The following IGFBP3 variants were observed in gnomAD, a reference collection of about 807,000 sequenced individuals.
IGFBP3 encodes the protein insulin-like growth factor-binding protein 3.
IGFBP3 carries 9 observed loss-of-function variants against 28.6 expected under a neutral mutation model. That is an observed-to-expected ratio of 0.31 (90% CI 0.19 to 0.55). The LOEUF is 0.55. Among genes scored for constraint, IGFBP3 ranks in the 20% least tolerant of loss-of-function variants. The probability of loss-of-function intolerance (pLI) is 0.93; values close to 1 mark genes in which losing one functional copy is unlikely to be tolerated. For missense variants in IGFBP3, 382 were observed against 428.9 expected (o/e 0.89, Z 0.97); for synonymous variants, 185 against 188.2 (o/e 0.98, Z 0.14).
chr7:45,912,588 C>T lies in IGFBP3; in HGVS notation c.*1262G>A, dbSNP rs1158112778. 6.6e-6 allele frequency: 1 copy of T among 152,638 alleles called. No individual in the cohort carries two copies. The highest frequency in any genetic ancestry group is 6.5e-5 in the Admixed American group (1 of 15,284). The allele number at this position is 152,638 out of a possible 1,614,324, so 9.5% of individuals were successfully genotyped here. On this transcript the variant is annotated 3_prime_UTR_variant, in exon 5 of 5. Coordinates refer to ENST00000613132, the MANE Select transcript of IGFBP3 (RefSeq NM_000598.5). ...CTTTGCCAGACCTTCTTGGGTTTGGCCTCCGGGAGAGCAGCCCAGTCTCTG... is the reference window on the plus strand; with the variant it reads ...CTTTGCCAGACCTTCTTGGGTTTGGTCTCCGGGAGAGCAGCCCAGTCTCTG...
chr7:45,921,063 C>G lies in IGFBP3; in HGVS notation c.78G>C (p.Arg26=), dbSNP rs754369733. The G allele has an allele frequency of 6.9e-7, 1 of 1,451,082 alleles. No homozygotes were observed. The highest frequency in any genetic ancestry group is 1.3e-5 in the South Asian group (1 of 74,568). The allele number at this position is 1,451,082 out of a possible 1,614,324, so 89.9% of individuals were successfully genotyped here. The part of the protein sequence containing the change: ...LVLLRGPPVA[R]AGASSAGLGP... ...CCAAGCCCGCCGAGCTCGCGCCAGC[C>G]CGCGCCACCGGCGGCCCGCGGAGCA... is the stretch of plus-strand genomic sequence containing the variant. The change falls in exon 1 of 5, where the codon CGG becomes CGC. Residue 26 remains arginine, a synonymous_variant. Transcript: ENST00000613132.
intron 1 of IGFBP3, 135 bp from the exon 2 acceptor site, chr7:45,917,574 A>T (rs78043950): frequency 0.084 from 12,515 of 149,398 alleles, 1 homozygote; most frequent in East Asian, 0.27. Flanking sequence ...TTTTTTTTTT[A>T]AAATACCTCG....
chr7:45,913,230 T>C lies in IGFBP3; in HGVS notation c.*620A>G, dbSNP rs917400364. 5.9e-5 allele frequency: 9 copies of C among 152,288 alleles called. No individual in the cohort carries two copies. The East Asian group carries it at 1.7e-3, about 29-fold the overall frequency. The allele number at this position is 152,288 out of a possible 1,614,324, so 9.4% of individuals were successfully genotyped here. ...GTGCCCTAGAACATTCTTAGATACATATTTTTTAAACAAGTAGGACTCCAC... is the reference window on the plus strand; with the variant it reads ...GTGCCCTAGAACATTCTTAGATACACATTTTTTAAACAAGTAGGACTCCAC... On this transcript the variant is annotated 3_prime_UTR_variant, in exon 5 of 5. Coordinates refer to ENST00000613132, the MANE Select transcript of IGFBP3 (RefSeq NM_000598.5).
In IGFBP3 at chr7:45,919,204, T is replaced by G. The variant is rs34833729; in HGVS notation, c.403+1534A>C. Among the ~76,000 whole-genome samples, 395 of 152,314 alleles carry G rather than the reference T, an allele frequency of 2.6e-3. 3 individuals are homozygous for G. Among genetic ancestry groups the G allele is most frequent in the African/African-American group, 9.0e-3 (373 of 41,572 alleles). ...ATTTACCTTTTTTTGTCAAATAGAT[T>G]CTAGAAGTCACTTAGATCTTTTTAT... On this transcript the variant is annotated intron_variant, in intron 1 of 4. Transcript: ENST00000613132.
At position 45,912,610 on chromosome 7, in the gene IGFBP3, T is replaced by G. The variant is rs1247027480; in HGVS notation, c.*1240A>C. 6.6e-6 allele frequency: 1 copy of G among 152,624 alleles called. No individual in the cohort carries two copies. The highest frequency in any genetic ancestry group is 2.4e-5 in the African/African-American group (1 of 41,446). 9.5% of individuals were successfully genotyped at this position (152,624 alleles called of 1,614,324 possible). A position where few individuals can be genotyped will look rare whatever the true frequency, so the allele number is the denominator to read the frequency against. On this transcript the variant is annotated 3_prime_UTR_variant, in exon 5 of 5. Transcript: ENST00000613132. The stretch of plus-strand genomic sequence containing the variant: ...TGGCCTCCGGGAGAGCAGCCCAGTC[T>G]CTGGGCGTGAGCTCCTTTCCTCAGT...
intron 1 of IGFBP3, among the ~76,000 whole-genome samples, chr7:45,918,203 A>G (rs1440690036): frequency 6.6e-6 from 1 of 151,872 alleles, no homozygotes; most frequent in Non-Finnish European, 1.5e-5. Flanking sequence ...GGGTGAACAC[A>G]GCAGCACATG....
chr7:45,915,101 T>A, intron 3 of IGFBP3, 156 bp from the exon 4 acceptor site: 1 of 776,398 alleles, frequency 1.3e-6, no homozygotes, highest in Non-Finnish European at 2.0e-6. Context: ...CATGCGTGCC[T>A]AGGCCCGCTG....
rs1784674820 is a variant in IGFBP3, at chr7:45,920,752, G to A, written c.389C>T (p.Ala130Val). The A allele has an allele frequency of 1.4e-6, 2 of 1,418,590 alleles. No individual in the cohort carries two copies. Among genetic ancestry groups the A allele is most frequent in the South Asian group, 1.5e-5 (1 of 67,690 alleles). The allele number at this position is 1,418,590 out of a possible 1,614,324, so 87.9% of individuals were successfully genotyped here. ...GGGCGGCTCACCTGGAGCTGGCGGC[G>A]CTGGCAGCAGGTAGGCGCGCAGGCG... is the stretch of plus-strand genomic sequence containing the variant. ...VSRLRAYLLP[A>V]PPAPGNASES... The change falls in exon 1 of 5, where the codon GCG becomes GTG. Residue 130 changes from alanine (A) to valine (V), a missense_variant. Coordinates refer to ENST00000613132, the MANE Select transcript of IGFBP3 (RefSeq NM_000598.5).
chr7:45,915,015 G>T (rs778080893), intron 3 of IGFBP3, 70 bp from the exon 4 acceptor site: 4 of 1,565,994 alleles, frequency 2.6e-6, no homozygotes, highest in African/African-American at 2.7e-5. Flanking sequence ...TGGCCAGGGC[G>T]CATGATGGTT....
Position 45,917,311 on chromosome 7 carries a change from C to A in IGFBP3, c.532G>T (p.Gly178Trp), listed in dbSNP as rs375651552. The change falls in exon 2 of 5, where the codon GGG becomes TGG. Residue 178 changes from glycine (G) to tryptophan (W), a missense_variant. By Grantham distance (184) the Gly-to-Trp change is radical (BLOSUM62 -2). Transcript: ENST00000613132. ...TAGCGCTGGCTGTCTTTAGCATGCC[C>A]TTTCTTGATGATGATTATCTTTGAA... ...LHSKIIIIKK[G>W]HAKDSQRYKV... 1 of 1,614,090 alleles carries A rather than the reference C, an allele frequency of 6.2e-7. No homozygotes were observed. Among genetic ancestry groups the A allele is most frequent in the Non-Finnish European group, 8.5e-7 (1 of 1,180,020 alleles).
Position 45,917,404 on chromosome 7 carries a change from C to T in IGFBP3, c.439G>A (p.Gly147Ser). 6.2e-7 allele frequency: 1 copy of T among 1,613,548 alleles called. No individual in the cohort carries two copies. Among genetic ancestry groups the T allele is most frequent in the Non-Finnish European group, 8.5e-7 (1 of 1,179,788 alleles). Residue 147 changes from glycine (G) to serine (S), a missense_variant, in exon 2 of 5, where the codon GGC becomes AGC. By Grantham distance (56) the Gly-to-Ser change is moderately conservative. Coordinates refer to ENST00000613132, the MANE Select transcript of IGFBP3 (RefSeq NM_000598.5). ...ASESEEDRSA[G>S]SVESPSVSST... ...GAGACGGACGGGCTCTCCACACTGCCGGCGCTGCGGTCTTCCTCCGACTCA... is the reference window on the plus strand; with the variant it reads ...GAGACGGACGGGCTCTCCACACTGCTGGCGCTGCGGTCTTCCTCCGACTCA...
At position 45,916,582 on chromosome 7, in the gene IGFBP3, T is replaced by C. The variant is rs766173603; in HGVS notation, c.716A>G (p.Asn239Ser). The C allele has an allele frequency of 5.6e-6, 9 of 1,612,424 alleles. No homozygotes were observed. The Admixed American group carries it at 8.3e-5, about 15-fold the overall frequency. ...CTTATAAAATCCCTTCTTGTCACAG[T>C]TGGGAATGTGTACACCCCTGGGACT... ...VLSPRGVHIP[N>S]CDKKGFYKKK... Residue 239 changes from asparagine to serine, a missense_variant, in exon 3 of 5, where the codon AAC becomes AGC. By Grantham distance (46) the Asn-to-Ser change is conservative. Transcript: ENST00000613132.
intron 2 of IGFBP3, 187 bp from the exon 3 acceptor site, chr7:45,916,854 G>A: frequency 1.7e-6 from 1 of 597,598 alleles, no homozygotes; most frequent in Non-Finnish European, 2.9e-6. Flanking sequence ...TCTCCTTTTT[G>A]CTCTTCCCAG....
chr7:45,921,152 C>A lies in IGFBP3; in HGVS notation c.-12G>T, dbSNP rs1457403170. 4.7e-6 allele frequency: 7 copies of A among 1,502,230 alleles called. No individual in the cohort carries two copies. The highest frequency in any genetic ancestry group is 2.1e-5 in the Admixed American group (1 of 48,480). The allele number at this position is 1,502,230 out of a possible 1,614,324, so 93.1% of individuals were successfully genotyped here. On this transcript the variant is annotated 5_prime_UTR_variant, in exon 1 of 5. Transcript: ENST00000613132. ...CGCGCCCGCTGCATGACGCCTGCAA[C>A]CGGGGCACGCTGCTTGGCAGGCTGG...
Position 45,920,784 on chromosome 7 carries a change from G to C in IGFBP3, c.357C>G (p.Ala119=). Residue 119 remains alanine (A), a synonymous_variant, in exon 1 of 5, where the codon GCC becomes GCG. Transcript: ENST00000613132. ...GCAGGTAGGCGCGCAGGCGGCTGAC[G>C]GCACTAGCGTTGACGCAGAGCCCGC... ...DGRGLCVNAS[A]VSRLRAYLLP... The C allele has an allele frequency of 1.2e-5, 17 of 1,419,968 alleles. No individual in the cohort carries two copies. Among genetic ancestry groups the C allele is most frequent in the South Asian group, 3.0e-5 (2 of 67,722 alleles). The allele number at this position is 1,419,968 out of a possible 1,614,324, so 88.0% of individuals were successfully genotyped here. A position where few individuals can be genotyped will look rare whatever the true frequency, so the allele number is the denominator to read the frequency against.
intron 3 of IGFBP3, chr7:45,915,430 A>G (rs3110697): frequency 0.57 from 95,454 of 166,420 alleles, 27,750 homozygotes; most frequent in East Asian, 0.74. Context: ...TGTGGCCACT[A>G]CTATGAATCC....
chr7:45,920,817 C>CA lies in IGFBP3; in HGVS notation c.323dup (p.Asp109GlyfsTer10). ...CGTTGACGCAGAGCCCGCGGCCGTC[C>CA]AGCAGCGCCTGCAGCGGTCGCGCCT... On this transcript the variant is annotated frameshift_variant, in exon 1 of 5. Transcript: ENST00000613132. LOFTEE classifies it high-confidence loss of function. The CA allele has an allele frequency of 7.1e-7, 1 of 1,407,906 alleles. No individual in the cohort carries two copies. The highest frequency in any genetic ancestry group is 9.2e-7 in the Non-Finnish European group (1 of 1,089,948). 87.2% of individuals were successfully genotyped at this position (1,407,906 alleles called of 1,614,324 possible). A position where few individuals can be genotyped will look rare whatever the true frequency, so the allele number is the denominator to read the frequency against.
At chr7:45,919,227 T>C (rs1401514591) in intron 1 of IGFBP3, among the ~76,000 whole-genome samples, 1 of 152,236 alleles carries the variant, frequency 6.6e-6, no homozygotes, top group African/African-American at 2.4e-5. Context: ...TAGATCTTTT[T>C]ATAATCTTAT....
At chr7:45,917,525 A>G in intron 1 of IGFBP3, 86 bp from the exon 2 acceptor site, 2 of 1,105,986 alleles carry the variant, frequency 1.8e-6, no homozygotes, top group South Asian at 1.6e-5. Context: ...CAACCAGGTC[A>G]CATGTAAATG....
Sources: allele counts gnomAD v4.1 joint callset (sites outside exome capture counted in the v4.1 genomes callset), GRCh38; gene constraint gnomAD v4.1.1; transcripts MANE v1.5; gene names NCBI Gene and HGNC (gene_info 2026-07-23, HGNC 2026-07-21).